Variants in EPB41L4A observed in about 807,000 individuals in gnomAD.
EPB41L4A encodes the protein band 4.1-like protein 4A.
EPB41L4A carries 100 observed loss-of-function variants against 108.6 expected under a neutral mutation model. That is an observed-to-expected ratio of 0.92 (90% CI 0.78 to 1.09). The LOEUF is 1.09. Among genes scored for constraint, EPB41L4A ranks in the 50% least tolerant of loss-of-function variants. The pLI is 0.00. For synonymous variants in EPB41L4A, 319 were observed against 289.0 expected (o/e 1.10, Z -1.05); for missense variants, 1,030 against 842.7 (o/e 1.22, Z -2.75).
chr5:112,163,317 C>T lies in EPB41L4A; in HGVS notation c.*1673G>A, dbSNP rs1456573608. On this transcript the variant is annotated 3_prime_UTR_variant, in exon 23 of 23. Coordinates refer to ENST00000261486, the MANE Select transcript of EPB41L4A (RefSeq NM_022140.5). ...CAGCTGGGGAGCAGCATTTAAACAG[C>T]TGAATTTTTAAATTACCTTTGAGAA... is the stretch of plus-strand genomic sequence containing the variant. 13 of 152,316 alleles carry T rather than the reference C, an allele frequency of 8.5e-5. No homozygotes were observed. The highest frequency in any genetic ancestry group is 2.6e-4 in the African/African-American group (11 of 41,568). 9.4% of individuals were successfully genotyped at this position (152,316 alleles called of 1,614,324 possible).
Position 112,270,045 on chromosome 5 carries a change from G to T in EPB41L4A, c.336-3715C>A, listed in dbSNP as rs184445170. ...TGAAACGAGCTAAATTGACACCAAG[G>T]ATGTACAAGTTGTTGAGGACCATTA... On this transcript the variant is annotated intron_variant, in intron 4 of 22. Coordinates refer to ENST00000261486, the MANE Select transcript of EPB41L4A (RefSeq NM_022140.5). Among the ~76,000 whole-genome samples, 48 of 152,136 alleles carry T rather than the reference G, an allele frequency of 3.2e-4. 1 individual carries two copies. Among genetic ancestry groups the T allele is most frequent in the Non-Finnish European group, 1.2e-4 (8 of 68,028 alleles).
intron 1 of EPB41L4A, among the ~76,000 whole-genome samples, chr5:112,394,420 A>C (rs1761184588): frequency 6.6e-6 from 1 of 152,202 alleles, no homozygotes; most frequent in African/African-American, 2.4e-5. Flanking sequence ...ATGTGCAAAA[A>C]TCAAAACCAT....
At chr5:112,340,655 G>A (rs762985371) in intron 1 of EPB41L4A, among the ~76,000 whole-genome samples, 1 of 151,994 alleles carries the variant, frequency 6.6e-6, no homozygotes, top group African/African-American at 2.4e-5. Flanking sequence ...GCATATTAAG[G>A]TATTATTTTT....
chr5:112,144,283 G>T (rs1561424827), intron 13 of EPB41L4A, among the ~76,000 whole-genome samples: 2 of 152,108 alleles, frequency 1.3e-5, no homozygotes, highest in Non-Finnish European at 1.5e-5. Context: ...TAGACACTGA[G>T]ATTTTATTTT....
At chr5:112,270,524 T>C (rs1466966178) in intron 4 of EPB41L4A, among the ~76,000 whole-genome samples, 1 of 152,228 alleles carries the variant, frequency 6.6e-6, no homozygotes, top group Non-Finnish European at 1.5e-5. Context: ...GAGAAAATCA[T>C]AACTCTTTAA....
intron 12 of EPB41L4A, among the ~76,000 whole-genome samples, chr5:112,232,427 G>A (rs1749024101): frequency 6.6e-6 from 1 of 152,152 alleles, no homozygotes; most frequent in African/African-American, 2.4e-5. Flanking sequence ...AAATAATAGT[G>A]ATGTGGCAAG....
At chr5:112,339,136 A>T (rs1435509944) in intron 1 of EPB41L4A, among the ~76,000 whole-genome samples, 1 of 152,140 alleles carries the variant, frequency 6.6e-6, no homozygotes, top group Non-Finnish European at 1.5e-5. Context: ...GAGAGCAGGA[A>T]TTGCACAATA....
At chr5:112,327,244 TA>T (rs1206988298) in intron 1 of EPB41L4A, among the ~76,000 whole-genome samples, 1 of 152,026 alleles carries the variant, frequency 6.6e-6, no homozygotes, top group African/African-American at 2.4e-5. Flanking sequence ...AAGGCTTTGT[TA>T]AAAAAAATTC....
intron 12 of EPB41L4A, among the ~76,000 whole-genome samples, chr5:112,214,335 G>A (rs1747452307): frequency 6.6e-6 from 1 of 152,196 alleles, no homozygotes; most frequent in Non-Finnish European, 1.5e-5. Context: ...AAAATATTTG[G>A]AGGTTAGATA....
At chr5:112,361,054 C>T (rs557209398) in intron 1 of EPB41L4A, among the ~76,000 whole-genome samples, 83 of 152,084 alleles carry the variant, frequency 5.5e-4, no homozygotes, top group Non-Finnish European at 1.0e-3. Context: ...GCCATGATGA[C>T]GATGGCGGTT....
At chr5:112,294,107 T>C (rs1753834735) in intron 2 of EPB41L4A, among the ~76,000 whole-genome samples, 2 of 152,240 alleles carry the variant, frequency 1.3e-5, no homozygotes, top group East Asian at 3.8e-4. Context: ...ACCTAGTAGC[T>C]GCCAGCACAT....
At chr5:112,202,111 G>C (rs1010008516) in intron 15 of EPB41L4A, among the ~76,000 whole-genome samples, 2 of 152,194 alleles carry the variant, frequency 1.3e-5, no homozygotes, top group Non-Finnish European at 2.9e-5. Context: ...AACAGGAAAA[G>C]TTATTTTCCT....
At chr5:112,184,477 C>T (rs1761325939) in intron 17 of EPB41L4A, among the ~76,000 whole-genome samples, 1 of 152,122 alleles carries the variant, frequency 6.6e-6, no homozygotes. Flanking sequence ...TTAACCAATG[C>T]TACAAAATCA....
chr5:112,294,405 C>T (rs1025484956), intron 2 of EPB41L4A, among the ~76,000 whole-genome samples: 1 of 152,188 alleles, frequency 6.6e-6, no homozygotes, highest in Non-Finnish European at 1.5e-5. Flanking sequence ...TTTGCAGTGA[C>T]AGAGGTGGTA....
intron 5 of EPB41L4A, 141 bp from the exon 6 acceptor site, chr5:112,265,157 C>A (rs1751762237): frequency 1.3e-6 from 1 of 742,790 alleles, no homozygotes; most frequent in African/African-American, 1.8e-5. Flanking sequence ...AATAATTTTA[C>A]TAAAACAAAT....
chr5:112,393,785 A>T (rs879990108), intron 1 of EPB41L4A, among the ~76,000 whole-genome samples: 2 of 152,102 alleles, frequency 1.3e-5, no homozygotes, highest in African/African-American at 4.8e-5. Context: ...GAGACACAAC[A>T]AAAAAAGAGA....
Position 112,335,342 on chromosome 5 carries a change from C to T in EPB41L4A, c.100-27852G>A, listed in dbSNP as rs968806324. 1.5e-4 allele frequency among the ~76,000 whole-genome samples: 23 copies of T among 152,188 alleles called. No homozygotes were observed. The South Asian group carries it at 4.6e-3, about 30-fold the overall frequency. On this transcript the variant is annotated intron_variant, in intron 1 of 22. Coordinates refer to ENST00000261486, the MANE Select transcript of EPB41L4A (RefSeq NM_022140.5). Reference sequence around the variant, plus strand: ...TAAGCCTTATAAGAGGAAGATTAATCGATTTAACAGAAAAAAAGTGAACCT... The same window carrying T: ...TAAGCCTTATAAGAGGAAGATTAATTGATTTAACAGAAAAAAAGTGAACCT...
At chr5:112,271,963 C>T (rs1428627196) in intron 4 of EPB41L4A, among the ~76,000 whole-genome samples, 2 of 152,060 alleles carry the variant, frequency 1.3e-5, no homozygotes, top group African/African-American at 2.4e-5. Flanking sequence ...AGAACACAAG[C>T]GGGGACTCCA....
intron 1 of EPB41L4A, among the ~76,000 whole-genome samples, chr5:112,344,049 A>T (rs1271258649): frequency 6.6e-6 from 1 of 152,226 alleles, no homozygotes; most frequent in Non-Finnish European, 1.5e-5. Flanking sequence ...CCTGAGCAAC[A>T]TAGTGAGAAC....
Sources: gnomAD v4.1 joint callset for allele counts (sites outside exome capture counted in the v4.1 genomes callset) on GRCh38, gnomAD v4.1.1 for gene constraint, MANE v1.5 for transcripts, NCBI Gene and HGNC (gene_info 2026-07-23, HGNC 2026-07-21) for gene names.